Variants in H3-3A observed in about 807,000 individuals in gnomAD.
H3-3A encodes H3.3 histone A.
For missense variants in H3-3A, 7 were observed against 184.0 expected (o/e 0.04, Z 5.57); for synonymous variants, 49 against 61.4 (o/e 0.80, Z 0.95).
chr1:226,067,456 G>A (rs561988779), intron 3 of H3-3A, among the ~76,000 whole-genome samples: 2 of 152,160 alleles, frequency 1.3e-5, no homozygotes, highest in Admixed American at 6.5e-5. Context: ...TACAGAGAGT[G>A]GGCCGGGCGC....
intron 1 of H3-3A, among the ~76,000 whole-genome samples, chr1:226,063,259 G>A (rs941336502): frequency 2.0e-5 from 3 of 152,220 alleles, no homozygotes; most frequent in Non-Finnish European, 4.4e-5. Context: ...CCTCCCCACA[G>A]TTGTTGCTAA....
intron 3 of H3-3A, among the ~76,000 whole-genome samples, chr1:226,068,759 A>C (rs557168557): frequency 1.3e-5 from 2 of 152,354 alleles, no homozygotes; most frequent in South Asian, 4.1e-4. Flanking sequence ...TCTGTTATCA[A>C]GTAACTTAAG....
intron 3 of H3-3A, 63 bp from the exon 4 acceptor site, chr1:226,071,288 A>C: frequency 2.9e-6 from 4 of 1,357,388 alleles, no homozygotes; most frequent in Non-Finnish European, 4.2e-6. Flanking sequence ...TTTAATTCGT[A>C]TAGTTGGGTC....
intron 2 of H3-3A, among the ~76,000 whole-genome samples, chr1:226,065,008 C>T (rs1436860541): frequency 6.6e-6 from 1 of 152,210 alleles, no homozygotes; most frequent in Non-Finnish European, 1.5e-5. Context: ...GTTGCCTAGA[C>T]TTAGCCTCCG....
intron 2 of H3-3A, 136 bp downstream of exon 2, chr1:226,064,615 TTAAA>T (rs750868577): frequency 1.8e-5 from 11 of 624,618 alleles, no homozygotes; most frequent in Non-Finnish European, 2.8e-5. Context: ...TAACTACTGC[TTAAA>T]TAAATGTACT....
chr1:226,064,559 G>C, intron 2 of H3-3A, 80 bp downstream of exon 2: 1 of 1,253,484 alleles, frequency 8.0e-7, no homozygotes. Context: ...TGGATAACAG[G>C]AAAACTTTTT....
intron 3 of H3-3A, chr1:226,066,093 T>C (rs1437079003): frequency 8.1e-6 from 4 of 496,608 alleles, no homozygotes; most frequent in Non-Finnish European, 1.4e-5. Context: ...TTAAAGAAAA[T>C]CCTCTGGTTT....
chr1:226,064,968 G>T (rs1053726718), intron 2 of H3-3A, among the ~76,000 whole-genome samples: 1 of 152,156 alleles, frequency 6.6e-6, no homozygotes, highest in Non-Finnish European at 1.5e-5. Context: ...CCACTGTGTT[G>T]TTAAGGGCAT....
chr1:226,065,973 A>G, intron 3 of H3-3A, 164 bp downstream of exon 3: 2 of 652,026 alleles, frequency 3.1e-6, no homozygotes, highest in Non-Finnish European at 2.8e-6. Flanking sequence ...GCTCAAGGTC[A>G]TACACGTAGA....
chr1:226,071,131 T>C (rs543279290), intron 3 of H3-3A, among the ~76,000 whole-genome samples: 1 of 152,368 alleles, frequency 6.6e-6, no homozygotes, highest in South Asian at 2.1e-4. Context: ...TTGTGTAACT[T>C]GATAAAAGAT....
At chr1:226,065,945 C>T (rs1408711552) in intron 3 of H3-3A, 136 bp downstream of exon 3, 1 of 753,948 alleles carries the variant, frequency 1.3e-6, no homozygotes, top group South Asian at 1.5e-5. Flanking sequence ...ACTGTTGAGA[C>T]TTCAGAAAGG....
At chr1:226,070,355 C>G (rs184902009) in intron 3 of H3-3A, among the ~76,000 whole-genome samples, 2 of 151,958 alleles carry the variant, frequency 1.3e-5, no homozygotes, top group South Asian at 4.2e-4. Context: ...GCCTGTAGCC[C>G]GAGCTACTCG....
intron 3 of H3-3A, chr1:226,066,109 A>G (rs1657915245): frequency 2.0e-6 from 1 of 495,422 alleles, no homozygotes; most frequent in African/African-American, 1.9e-5. Context: ...GGTTTGGTTT[A>G]TGGATGCTGC....
intron 1 of H3-3A, 74 bp from the exon 2 acceptor site, chr1:226,064,255 G>GAAATCTGCA: frequency 9.9e-7 from 1 of 1,006,588 alleles, no homozygotes; most frequent in Admixed American, 2.1e-5. Flanking sequence ...ATTTGGGGAG[G>GAAATCTGCA]GGGTGATCGT....
upstream of H3-3A, among the ~76,000 whole-genome samples, chr1:226,062,487 T>C (rs1004453346): frequency 1.3e-5 from 2 of 148,384 alleles, no homozygotes; most frequent in Non-Finnish European, 3.0e-5. Context: ...GCGTGTCTTT[T>C]GTGTTTGTAC....
rs1459515616 is a variant in H3-3A at position 226,071,577 on chromosome 1, T to C, written c.*98T>C. On this transcript the variant is annotated 3_prime_UTR_variant, in exon 4 of 4. Coordinates refer to ENST00000366815, the MANE Select transcript of H3-3A (RefSeq NM_002107.7). ...AGTTCTGAACGTTAGATATTTTTTT[T>C]CCATGGGGTCAAAAGGTACCTAAGT... is the stretch of plus-strand genomic sequence containing the variant. 1.1e-5 allele frequency: 6 copies of C among 560,070 alleles called. No individual in the cohort carries two copies. Among genetic ancestry groups the C allele is most frequent in the African/African-American group, 2.0e-5 (1 of 48,858 alleles). 34.7% of individuals were successfully genotyped at this position (560,070 alleles called of 1,614,324 possible).
upstream of H3-3A, chr1:226,062,202 T>C (rs1264266312): frequency 1.3e-5 from 2 of 151,296 alleles, no homozygotes; most frequent in Non-Finnish European, 3.0e-5. Context: ...CCTCCCCCAC[T>C]GCCGCCCGGG....
intron 2 of H3-3A, 48 bp from the exon 3 acceptor site, chr1:226,065,608 T>G (rs1022057971): frequency 1.1e-5 from 16 of 1,403,066 alleles, no homozygotes; most frequent in African/African-American, 2.9e-5. Context: ...CTTACCTTTT[T>G]GTGCTAGTTA....
In H3-3A at chr1:226,071,920, C is replaced by G. The variant is rs1658140207; in HGVS notation, c.*441C>G. 4.6e-6 allele frequency: 1 copy of G among 217,696 alleles called. No homozygotes were observed. 13.5% of individuals were successfully genotyped at this position (217,696 alleles called of 1,614,324 possible). On this transcript the variant is annotated 3_prime_UTR_variant, in exon 4 of 4. Transcript: ENST00000366815. ...CACTATACTTTTCTAACTGAGTTGT[C>G]CTACATGCAAGTACATGTTTTTAAT...
Sources: gnomAD v4.1 joint callset for allele counts (sites outside exome capture counted in the v4.1 genomes callset) on GRCh38, gnomAD v4.1.1 for gene constraint, MANE v1.5 for transcripts, NCBI Gene and HGNC (gene_info 2026-07-23, HGNC 2026-07-21) for gene names.